Variants in ANXA8 observed in about 807,000 individuals in gnomAD.
ANXA8 encodes VAC-beta.
Under a neutral mutation model 26.8 loss-of-function variants are expected in ANXA8, and 9 were observed. That is an observed-to-expected ratio of 0.34 (90% CI 0.20 to 0.59). The LOEUF (loss-of-function observed/expected upper bound fraction) is 0.59. Ranked by LOEUF, ANXA8 falls within the 20% of genes least tolerant of loss-of-function variation. ANXA8 has a pLI of 0.84. For missense variants in ANXA8, 83 were observed against 238.5 expected (o/e 0.35, Z 4.29); for synonymous variants, 39 against 94.8 (o/e 0.41, Z 3.42).
the ANXA8 span, among the ~76,000 whole-genome samples, chr10:47,660,319 G>A: frequency 6.7e-6 from 1 of 150,122 alleles, no homozygotes; most frequent in Non-Finnish European, 1.5e-5. Context: ...ACGAATGTTG[G>A]GCATATTATT....
chr10:47,982,819 TATATATATATATATAA>T, the ANXA8 span, among the ~76,000 whole-genome samples: 1 of 65,552 alleles, frequency 1.5e-5, no homozygotes, highest in Non-Finnish European at 3.2e-5. Context: ...TATATATATA[TATATATATATATATAA>T]AATTTGATAA....
the ANXA8 span, among the ~76,000 whole-genome samples, chr10:47,506,501 T>C: frequency 7.1e-6 from 1 of 139,958 alleles, no homozygotes; most frequent in Non-Finnish European, 1.5e-5. Flanking sequence ...CAGCCATTTT[T>C]TGTACTTTCA....
the ANXA8 span, among the ~76,000 whole-genome samples, chr10:47,954,362 A>C: frequency 6.6e-6 from 1 of 151,068 alleles, no homozygotes; most frequent in African/African-American, 2.4e-5. Context: ...ACTCATGGAG[A>C]TAGAGAGTGG....
the ANXA8 span, among the ~76,000 whole-genome samples, chr10:47,623,354 T>C: frequency 8.9e-6 from 1 of 112,688 alleles, no homozygotes; most frequent in South Asian, 2.8e-4. Context: ...GGACGTACTT[T>C]AGGCTAGGTT....
chr10:47,888,970 A>C, the ANXA8 span, among the ~76,000 whole-genome samples: 1 of 62,384 alleles, frequency 1.6e-5, no homozygotes, highest in Non-Finnish European at 3.7e-5. Flanking sequence ...ATTTTCTTAT[A>C]ATATAATATA....
At chr10:47,669,587 C>T in the ANXA8 span, among the ~76,000 whole-genome samples, 12 of 151,718 alleles carry the variant, frequency 7.9e-5, no homozygotes, top group East Asian at 1.9e-4. Context: ...TGGTGGTGCA[C>T]GCCTGTGGTC....
the ANXA8 span, among the ~76,000 whole-genome samples, chr10:47,686,782 T>C: frequency 7.9e-5 from 12 of 151,966 alleles, no homozygotes; most frequent in Non-Finnish European, 1.8e-4. Context: ...ACTAAAAGTA[T>C]TGAAAACTGA....
the ANXA8 span, chr10:47,551,717 G>A: frequency 8.4e-6 from 2 of 237,362 alleles, no homozygotes; most frequent in Non-Finnish European, 1.7e-5. Flanking sequence ...TTCAATGGAA[G>A]AACCATCAGA....
At chr10:47,520,838 T>TA in the ANXA8 span, among the ~76,000 whole-genome samples, 664 of 89,272 alleles carry the variant, frequency 7.4e-3, 1 homozygote, top group South Asian at 0.012. Flanking sequence ...CTCCTTTATT[T>TA]AAAAAAAAAA....
At chr10:47,688,022 C>A in the ANXA8 span, among the ~76,000 whole-genome samples, 1 of 151,776 alleles carries the variant, frequency 6.6e-6, no homozygotes, top group East Asian at 1.9e-4. Context: ...ATTGCTTGAA[C>A]CTGGGAGACA....
chr10:47,474,842 G>C, intron 7 of ANXA8, 103 bp downstream of exon 7: 7 of 1,400,424 alleles, frequency 5.0e-6, no homozygotes, highest in South Asian at 3.7e-5. Flanking sequence ...GAGCTGAGCT[G>C]GGTGGGTCCC....
At chr10:47,549,885 C>G in the ANXA8 span, among the ~76,000 whole-genome samples, 1 of 142,734 alleles carries the variant, frequency 7.0e-6, no homozygotes, top group Non-Finnish European at 1.5e-5. Context: ...AGGTGGATCC[C>G]TTGAGCCCAG....
At chr10:47,660,475 A>C in the ANXA8 span, among the ~76,000 whole-genome samples, 1 of 150,506 alleles carries the variant, frequency 6.6e-6, no homozygotes, top group East Asian at 2.0e-4. Context: ...ATCTCGGCTC[A>C]CTGCATCCTC....
chr10:47,515,691 C>G, the ANXA8 span, among the ~76,000 whole-genome samples: 3 of 139,590 alleles, frequency 2.1e-5, no homozygotes, highest in South Asian at 6.9e-4. Context: ...CTCCAACTTT[C>G]TTTGCTAACT....
the ANXA8 span, among the ~76,000 whole-genome samples, chr10:47,591,671 C>A: frequency 1.4e-5 from 2 of 140,334 alleles, 1 homozygote; most frequent in African/African-American, 6.0e-5. Context: ...TGATCTCGAT[C>A]TCCTGACCTC....
the ANXA8 span, among the ~76,000 whole-genome samples, chr10:47,552,303 A>C: frequency 6.6e-6 from 1 of 151,482 alleles, no homozygotes; most frequent in Non-Finnish European, 1.5e-5. Context: ...TGTACTTCAG[A>C]GAAACTGAAA....
At chr10:47,736,347 A>G in the ANXA8 span, among the ~76,000 whole-genome samples, 1 of 65,180 alleles carries the variant, frequency 1.5e-5, no homozygotes, top group South Asian at 6.6e-4. Context: ...ATTTTACATA[A>G]ATGGGACCAT....
chr10:47,941,091 A>G, the ANXA8 span, among the ~76,000 whole-genome samples: 1 of 145,268 alleles, frequency 6.9e-6, no homozygotes, highest in Non-Finnish European at 1.5e-5. Context: ...TGACCCAGGG[A>G]TCTATAACAT....
the ANXA8 span, among the ~76,000 whole-genome samples, chr10:47,644,321 G>T: frequency 7.3e-5 from 11 of 150,286 alleles, no homozygotes; most frequent in African/African-American, 2.5e-4. Flanking sequence ...TTGTTTTTAG[G>T]CAGGATTAAT....
Sources: gnomAD v4.1 joint callset for allele counts (sites outside exome capture counted in the v4.1 genomes callset) on GRCh38, gnomAD v4.1.1 for gene constraint, MANE v1.5 for transcripts, NCBI Gene and HGNC (gene_info 2026-07-23, HGNC 2026-07-21) for gene names.